SEPTIN3: variants seen among roughly 807,000 people sequenced by gnomAD.
SEPTIN3 encodes the protein septin 3, also known as neuronal-specific septin-3.
A neutral mutation model predicts 45.1 loss-of-function variants in SEPTIN3; 15 were observed. The observed-to-expected ratio is 0.33, with a 90% confidence interval of 0.22 to 0.51. The LOEUF is 0.51. Among genes scored for constraint, SEPTIN3 ranks in the 20% least tolerant of loss-of-function variants. The pLI, the probability that SEPTIN3 is intolerant of heterozygous loss-of-function variation, is 0.97. For missense variants in SEPTIN3, 289 were observed against 457.2 expected, an observed-to-expected ratio of 0.63 and a Z score of 3.35; for synonymous variants, 148 against 164.8, an observed-to-expected ratio of 0.90 and a Z score of 0.78.
Position 41,972,556 on chromosome 22 carries a change from C to A in SEPTIN3, c.1064C>A (p.Ser355Ter), listed in dbSNP as rs2077970556. The A allele has an allele frequency of 1.5e-5, 6 of 399,004 alleles. No homozygotes were observed. The Admixed American group carries it at 2.6e-4, about 18-fold the overall frequency. 24.7% of individuals were successfully genotyped at this position (399,004 alleles called of 1,614,324 possible). Residue 355 changes from serine to a stop codon, truncating the protein, a stop_gained, in exon 2 of 12, where the codon TCA (serine) becomes TAA (stop). Coordinates refer to ENST00000644076, the MANE Select transcript of SEPTIN3 (RefSeq NM_001363845.2). LOFTEE classifies it high-confidence loss of function. ...GGGATGGTCATGGATTTGATAGCCT[C>A]AGAACCAGACAAGCTGGGCAAAGCC... ...KPGMVMDLIA[S>*]EPDKLGKAMA...
chr22:41,992,054 G>A (rs971820175), intron 8 of SEPTIN3, among the ~76,000 whole-genome samples: 1 of 152,076 alleles, frequency 6.6e-6, no homozygotes, highest in African/African-American at 2.4e-5. Context: ...AGACTGAGTG[G>A]CTTATAGGCT....
rs2078034348 is a variant in SEPTIN3, at chr22:41,976,926, C to T, written c.1504+3930C>T. On this transcript the variant is annotated intron_variant, in intron 2 of 11. Transcript: ENST00000644076. This position sits in a 1 kb window ranked among gnomAD's most constrained non-coding sequence, Gnocchi z 5.8. ...GGGGCGGCGCGGCGGGGCCGCGGGCCGGGCGGGTGGGAGGAGAGCGCGAAG... is the reference window on the plus strand; with the variant it reads ...GGGGCGGCGCGGCGGGGCCGCGGGCTGGGCGGGTGGGAGGAGAGCGCGAAG... 7 of 497,710 alleles carry T rather than the reference C, an allele frequency of 1.4e-5. No individual in the cohort carries two copies. In the East Asian group the frequency reaches 4.5e-4, roughly 32 times the overall value. 30.8% of individuals were successfully genotyped at this position (497,710 alleles called of 1,614,324 possible).
chr22:41,986,028 A>G lies in SEPTIN3; in HGVS notation c.1741A>G (p.Lys581Glu). 2 of 1,613,644 alleles carry G rather than the reference A, an allele frequency of 1.2e-6. No homozygotes were observed. The highest frequency in any genetic ancestry group is 1.7e-6 in the Non-Finnish European group (2 of 1,179,754). ...ATCAACGCTGGTCAACACGCTCTTC[A>G]AATCCCAAGTGAGCCGCAAGGCCTC... is the stretch of plus-strand genomic sequence containing the variant. ...GKSTLVNTLFKSQVSRKASSW... is the reference protein window; with the variant it reads ...GKSTLVNTLFESQVSRKASSW... The change falls in exon 4 of 12, where the codon AAA becomes GAA. Residue 581 changes from lysine to glutamate, a missense_variant. By Grantham distance (56) the Lys-to-Glu change is moderately conservative. Around this residue, in one of 3 missense-constraint regions of SEPTIN3, gnomAD observed 200 missense variants for 315.1 expected, o/e 0.63. Coordinates refer to ENST00000644076, the MANE Select transcript of SEPTIN3 (RefSeq NM_001363845.2).
chr22:41,972,875 A>G lies in SEPTIN3; in HGVS notation c.1383A>G (p.Ser461=). ...GCAGTGTTAATAACCTAACCATATC[A>G]GACGTTGCTACATGCCTGCTAATGC... is the stretch of plus-strand genomic sequence containing the variant. ...TLGSVNNLTI[S]DVATCLLMPS... Residue 461 remains serine (S), a synonymous_variant, in exon 2 of 12, where the codon TCA becomes TCG. Transcript: ENST00000644076. 2.5e-6 allele frequency: 1 copy of G among 399,242 alleles called. No individual in the cohort carries two copies. 24.7% of individuals were successfully genotyped at this position (399,242 alleles called of 1,614,324 possible). A position where few individuals can be genotyped will look rare whatever the true frequency, so the allele number is the denominator to read the frequency against.
chr22:41,970,827 G>A (rs959671136), intron 1 of SEPTIN3, among the ~76,000 whole-genome samples: 16 of 152,214 alleles, frequency 1.1e-4, no homozygotes, highest in Non-Finnish European at 4.4e-5. Context: ...TTGTTCACCA[G>A]ATAAGCTCCT....
Position 41,989,463 on chromosome 22 carries a change from G to C in SEPTIN3, c.2046-104G>C. Reference sequence around the variant, plus strand: ...AGCAGCCTCTTGGCCTCAGCCAGATGCCCAGCCCAGTCCTCTTCTCCTGTG... The same window carrying C: ...AGCAGCCTCTTGGCCTCAGCCAGATCCCCAGCCCAGTCCTCTTCTCCTGTG... On this transcript the variant is annotated intron_variant, in intron 6 of 11. Transcript: ENST00000644076. 7.8e-6 allele frequency: 6 copies of C among 772,216 alleles called. No homozygotes were observed. The South Asian group carries it at 9.3e-5, about 12-fold the overall frequency. The allele number at this position is 772,216 out of a possible 1,614,324, so 47.8% of individuals were successfully genotyped here. A position where few individuals can be genotyped will look rare whatever the true frequency, so the allele number is the denominator to read the frequency against.
chr22:41,997,076 C>G lies in SEPTIN3; in HGVS notation c.*109C>G. 1 of 1,576,618 alleles carries G rather than the reference C, an allele frequency of 6.3e-7. No individual in the cohort carries two copies. Among genetic ancestry groups the G allele is most frequent in the Non-Finnish European group, 8.6e-7 (1 of 1,162,486 alleles). On this transcript the variant is annotated 3_prime_UTR_variant, in exon 12 of 12. Coordinates refer to ENST00000644076, the MANE Select transcript of SEPTIN3 (RefSeq NM_001363845.2). ...TCCAGCTCACCACCACAGCCCCTCT[C>G]AGCCCTCAGTAGGTGGGAGGGGCCA...
At position 41,994,814 on chromosome 22, in the gene SEPTIN3, C is replaced by T. The variant is rs1028923949; in HGVS notation, c.2505+100C>T. On this transcript the variant is annotated intron_variant, in intron 11 of 11. Coordinates refer to ENST00000644076, the MANE Select transcript of SEPTIN3 (RefSeq NM_001363845.2). This position sits in a 1 kb window ranked among gnomAD's most constrained non-coding sequence, Gnocchi z 4.2. ...CTTCACACACACACATCCCAAATAC[C>T]ACCACCAACCACCTTCTTCCTCTCA... is the stretch of plus-strand genomic sequence containing the variant. The T allele has an allele frequency of 1.2e-6, 2 of 1,607,532 alleles. No homozygotes were observed. Among genetic ancestry groups the T allele is most frequent in the Middle Eastern group, 1.7e-4 (1 of 6,042 alleles).
chr22:41,988,920 G>A (rs1271074636), intron 6 of SEPTIN3, among the ~76,000 whole-genome samples: 2 of 152,084 alleles, frequency 1.3e-5, no homozygotes, highest in East Asian at 1.9e-4. Flanking sequence ...GAGTCCAGGA[G>A]TTCAAGACCA....
chr22:41,988,997 G>A (rs974221461), intron 6 of SEPTIN3, among the ~76,000 whole-genome samples: 2 of 151,966 alleles, frequency 1.3e-5, no homozygotes, highest in Non-Finnish European at 2.9e-5. Context: ...ATGGTAGTGC[G>A]CAACTGTGGT....
At chr22:41,996,077 C>G in intron 11 of SEPTIN3, 1 of 985,384 alleles carries the variant, frequency 1.0e-6, no homozygotes, top group Non-Finnish European at 1.2e-6. Context: ...TTCCCCATCA[C>G]TTTTGTGCTG....
Position 41,994,660 on chromosome 22 carries a change from C to T in SEPTIN3, c.2451C>T (p.Ile817=). The T allele has an allele frequency of 6.2e-7, 1 of 1,614,154 alleles. No homozygotes were observed. The highest frequency in any genetic ancestry group is 8.5e-7 in the Non-Finnish European group (1 of 1,180,024). Residue 817 remains isoleucine (I), a synonymous_variant, in exon 11 of 12, where the codon ATC becomes ATT. Coordinates refer to ENST00000644076, the MANE Select transcript of SEPTIN3 (RefSeq NM_001363845.2). This position sits in a 1 kb window ranked among gnomAD's most constrained non-coding sequence, Gnocchi z 4.2. ...ACCTCAAGGAAGTGACACACAACAT[C>T]CACTATGAGACTTACAGGGCCAAGC... ...LQDLKEVTHN[I]HYETYRAKRL...
intron 1 of SEPTIN3, among the ~76,000 whole-genome samples, chr22:41,970,617 A>G (rs2077949096): frequency 6.6e-6 from 1 of 152,052 alleles, no homozygotes; most frequent in African/African-American, 2.4e-5. Flanking sequence ...CCTCCCTGCT[A>G]CATACAGCCT....
intron 7 of SEPTIN3, among the ~76,000 whole-genome samples, chr22:41,990,483 T>G (rs146951100): frequency 2.7e-5 from 4 of 149,718 alleles, no homozygotes; most frequent in Non-Finnish European, 5.9e-5. Context: ...TGGTGGCTCA[T>G]GCCTGTAATC....
Position 41,977,101 on chromosome 22 carries a change from A to G in SEPTIN3, c.1504+4105A>G, listed in dbSNP as rs377495854. The stretch of plus-strand genomic sequence containing the variant: ...TAGGGCGGCCGGCCAGGCCACCGGC[A>G]CCCGCCAGGAGGAGGCTGCGGCCCC... On this transcript the variant is annotated intron_variant, in intron 2 of 11. Transcript: ENST00000644076. 1.4e-3 allele frequency: 2,246 copies of G among 1,582,338 alleles called. 5 individuals carry two copies. The highest frequency in any genetic ancestry group is 1.8e-3 in the Non-Finnish European group (2,053 of 1,167,072).
At chr22:41,979,630 G>C (rs545856319) in intron 2 of SEPTIN3, among the ~76,000 whole-genome samples, 8 of 152,230 alleles carry the variant, frequency 5.3e-5, no homozygotes, top group Admixed American at 3.9e-4. Flanking sequence ...GCTGCCATGC[G>C]GAGCTGCCTG....
Position 41,987,228 on chromosome 22 carries a change from A to G in SEPTIN3, c.1848A>G (p.Lys616=). The G allele has an allele frequency of 6.2e-7, 1 of 1,613,758 alleles. No homozygotes were observed. The highest frequency in any genetic ancestry group is 1.1e-5 in the South Asian group (1 of 91,040). Residue 616 remains lysine (K), a synonymous_variant, in exon 5 of 12, where the codon AAA becomes AAG. Coordinates refer to ENST00000644076, the MANE Select transcript of SEPTIN3 (RefSeq NM_001363845.2). ...CAGTGATAGAGGAAGGCGGTGTCAA[A>G]ATGAAGCTGACCGTCATCGACACCC... The part of the protein sequence containing the change: ...IGHVIEEGGV[K]MKLTVIDTPG...
At chr22:41,984,788 C>G (rs2078175858) in intron 3 of SEPTIN3, among the ~76,000 whole-genome samples, 1 of 150,736 alleles carries the variant, frequency 6.6e-6, no homozygotes, top group African/African-American at 2.4e-5. Context: ...CTTGGCCTTC[C>G]AAAGTGCTGG....
intron 7 of SEPTIN3, among the ~76,000 whole-genome samples, chr22:41,990,777 C>A (rs111226310): frequency 0.05 from 6,426 of 128,414 alleles, 496 homozygotes; most frequent in African/African-American, 0.17. Context: ...AAGAAACTTA[C>A]AATTGGCTGG....
Sources: allele counts gnomAD v4.1 joint callset (sites outside exome capture counted in the v4.1 genomes callset), GRCh38; gene constraint gnomAD v4.1.1; regional missense constraint gnomAD v4.1.1; non-coding constraint Gnocchi (gnomAD v3.1); transcripts MANE v1.5; gene names NCBI Gene and HGNC (gene_info 2026-07-23, HGNC 2026-07-21).